PTPRD: variants seen among roughly 807,000 people sequenced by gnomAD.
PTPRD encodes protein tyrosine phosphatase receptor type D, also known as receptor-type tyrosine-protein phosphatase delta.
In PTPRD, 34 loss-of-function variants were observed where a neutral mutation model predicts 214.5. The observed-to-expected ratio is 0.16, with a 90% CI of 0.12 to 0.21. The LOEUF (loss-of-function observed/expected upper bound fraction) is 0.21, where lower values mean the gene tolerates loss of function less well. Ranked by LOEUF, PTPRD falls within the 10% of genes least tolerant of loss-of-function variation. PTPRD has a pLI of 1.00. For synonymous variants in PTPRD, 1,128 were observed against 845.7 expected, an observed-to-expected ratio of 1.33 and a Z score of -5.79; for missense variants, 2,545 against 2,398.7, an observed-to-expected ratio of 1.06 and a Z score of -1.27.
At chr9:10,448,106 G>A (rs79739515) in intron 2 of PTPRD, among the ~76,000 whole-genome samples, 3,741 of 151,934 alleles carry the variant, frequency 0.025, 171 homozygotes, top group African/African-American at 0.077. Context: ...TATTCATTAC[G>A]CAATTGTAAC....
chr9:9,650,290 A>G (rs2096301868), intron 7 of PTPRD, among the ~76,000 whole-genome samples: 1 of 152,098 alleles, frequency 6.6e-6, no homozygotes. Context: ...AGACAATTAA[A>G]CTTATTTTCT....
At chr9:10,526,388 C>G (rs984145401) in intron 2 of PTPRD, among the ~76,000 whole-genome samples, 1 of 151,894 alleles carries the variant, frequency 6.6e-6, no homozygotes, top group Non-Finnish European at 1.5e-5. Context: ...ATAATTATTT[C>G]TAAATAAACA....
At chr9:8,930,710 A>G (rs1455648766) in intron 11 of PTPRD, among the ~76,000 whole-genome samples, 6 of 152,190 alleles carry the variant, frequency 3.9e-5, no homozygotes, top group Non-Finnish European at 1.5e-5. Context: ...TCTGATGGCC[A>G]GTGATGATGA....
intron 7 of PTPRD, among the ~76,000 whole-genome samples, chr9:9,631,728 C>A (rs984537670): frequency 3.3e-5 from 5 of 152,092 alleles, no homozygotes; most frequent in African/African-American, 7.2e-5. Flanking sequence ...TTGGACACAG[C>A]AAAGCATAAA....
intron 7 of PTPRD, among the ~76,000 whole-genome samples, chr9:9,719,020 GGA>G (rs1256924338): frequency 6.6e-6 from 1 of 152,272 alleles, no homozygotes; most frequent in East Asian, 1.9e-4. Context: ...AGTTTTGGGT[GGA>G]GTCAGTGACC....
chr9:10,280,868 G>A (rs904651378), intron 3 of PTPRD, among the ~76,000 whole-genome samples: 1 of 151,918 alleles, frequency 6.6e-6, no homozygotes, highest in Admixed American at 6.6e-5. Context: ...TCTCTCCTAG[G>A]CCTCCCAAGG....
chr9:9,732,592 A>G (rs2098217495), intron 7 of PTPRD, among the ~76,000 whole-genome samples: 1 of 152,156 alleles, frequency 6.6e-6, no homozygotes, highest in Non-Finnish European at 1.5e-5. Flanking sequence ...TAGGATGGAA[A>G]AAGTATAGAG....
chr9:9,757,342 T>A (rs2476586), intron 6 of PTPRD, among the ~76,000 whole-genome samples: 18,273 of 152,202 alleles, frequency 0.12, 1,821 homozygotes, highest in African/African-American at 0.27. Flanking sequence ...TGTAAGGAAG[T>A]ATACATTGGC....
intron 11 of PTPRD, among the ~76,000 whole-genome samples, chr9:8,778,275 C>T (rs961999217): frequency 6.6e-6 from 1 of 152,128 alleles, no homozygotes; most frequent in Admixed American, 6.5e-5. Flanking sequence ...AAAGATTATT[C>T]CCTTCTTAAA....
intron 3 of PTPRD, among the ~76,000 whole-genome samples, chr9:10,221,291 G>C (rs938139699): frequency 6.6e-6 from 1 of 151,852 alleles, no homozygotes; most frequent in African/African-American, 2.4e-5. Flanking sequence ...GCTCACGTGC[G>C]CGTGCACACA....
At chr9:10,346,186 C>A (rs1042317642) in intron 2 of PTPRD, among the ~76,000 whole-genome samples, 1 of 152,122 alleles carries the variant, frequency 6.6e-6, no homozygotes, top group Non-Finnish European at 1.5e-5. Flanking sequence ...TGGTAGAAGT[C>A]TATGAAAAGA....
intron 14 of PTPRD, among the ~76,000 whole-genome samples, chr9:8,573,387 A>G (rs930702938): frequency 1.3e-5 from 2 of 151,998 alleles, no homozygotes; most frequent in Non-Finnish European, 2.9e-5. Flanking sequence ...ATAATAGAAC[A>G]CTGCTTTAAC....
chr9:9,270,265 C>T (rs1197588374), intron 9 of PTPRD, among the ~76,000 whole-genome samples: 1 of 151,196 alleles, frequency 6.6e-6, no homozygotes, highest in African/African-American at 2.4e-5. Flanking sequence ...AAATAAGTAA[C>T]ATTTGTGATA....
At chr9:9,641,921 A>G (rs1248662310) in intron 7 of PTPRD, among the ~76,000 whole-genome samples, 1 of 152,150 alleles carries the variant, frequency 6.6e-6, no homozygotes, top group African/African-American at 2.4e-5. Context: ...CCTTAGCTAT[A>G]GATTAAAATA....
chr9:10,326,722 A>G (rs1172016234), intron 3 of PTPRD, among the ~76,000 whole-genome samples: 1 of 151,668 alleles, frequency 6.6e-6, no homozygotes, highest in Non-Finnish European at 1.5e-5. Flanking sequence ...TGCCTCTTTC[A>G]TCCATTTTAT....
At chr9:8,841,770 G>C (rs2154535524) in intron 11 of PTPRD, among the ~76,000 whole-genome samples, 1 of 151,982 alleles carries the variant, frequency 6.6e-6, no homozygotes, top group South Asian at 2.1e-4. Context: ...CCAGCACTTT[G>C]GGAGGCCAAG....
intron 9 of PTPRD, among the ~76,000 whole-genome samples, chr9:9,200,038 A>G (rs2099940964): frequency 6.6e-6 from 1 of 152,194 alleles, no homozygotes; most frequent in African/African-American, 2.4e-5. Context: ...ATGTTAATCA[A>G]ATCAAAGGGG....
chr9:9,684,795 T>C (rs1218407152), intron 7 of PTPRD, among the ~76,000 whole-genome samples: 1 of 151,560 alleles, frequency 6.6e-6, no homozygotes, highest in Non-Finnish European at 1.5e-5. Context: ...TTGCGGTCTT[T>C]AGAGCAGTGC....
intron 3 of PTPRD, among the ~76,000 whole-genome samples, chr9:10,181,226 T>C (rs2099281144): frequency 6.6e-6 from 1 of 152,108 alleles, no homozygotes; most frequent in South Asian, 2.1e-4. Flanking sequence ...TAATTTTATA[T>C]GAGCAATTTT....
Sources: allele counts gnomAD v4.1 joint callset (sites outside exome capture counted in the v4.1 genomes callset), GRCh38; gene constraint gnomAD v4.1.1; transcripts MANE v1.5; gene names NCBI Gene and HGNC (gene_info 2026-07-23, HGNC 2026-07-21).